The following MTFR1 variants were observed in gnomAD, a reference collection of about 807,000 sequenced individuals.
The protein encoded by MTFR1 is chondrocyte protein with a poly-proline region.
Under a neutral mutation model 38.8 loss-of-function variants are expected in MTFR1, and 28 were observed. That is an observed-to-expected ratio of 0.72 (90% CI 0.53 to 0.99). The LOEUF (loss-of-function observed/expected upper bound fraction) is 0.99, where lower values mean the gene tolerates loss of function less well. Among genes scored for constraint, MTFR1 ranks in the 50% least tolerant of loss-of-function variants. The pLI is 0.00. For missense variants in MTFR1, 358 were observed against 395.5 expected (o/e 0.91, Z 0.81); for synonymous variants, 145 against 137.0 (o/e 1.06, Z -0.41).
chr8:65,682,298 C>G (rs1804918131), intron 2 of MTFR1, 55 bp from the exon 3 acceptor site: 10 of 857,070 alleles, frequency 1.2e-5, no homozygotes, highest in Non-Finnish European at 1.8e-5. Flanking sequence ...AATGCTTTGT[C>G]TTAACAGTTC....
chr8:65,754,191 T>C (rs533161128), intron 3 of MTFR1, among the ~76,000 whole-genome samples: 24 of 152,226 alleles, frequency 1.6e-4, no homozygotes, highest in African/African-American at 5.5e-4. Flanking sequence ...AGTCTTTCCA[T>C]GTTTTTCTGC....
chr8:65,707,383 A>C lies in MTFR1; in HGVS notation c.764+127A>C, dbSNP rs989969910. 6 of 966,840 alleles carry C rather than the reference A, an allele frequency of 6.2e-6. No individual in the cohort carries two copies. The Admixed American group carries it at 1.1e-4, about 18-fold the overall frequency. 59.9% of individuals were successfully genotyped at this position (966,840 alleles called of 1,614,324 possible). On this transcript the variant is annotated intron_variant, in intron 6 of 7. Coordinates refer to ENST00000262146, the MANE Select transcript of MTFR1 (RefSeq NM_014637.4). ...TAGTTTTTAGTTTAAAAAAAAGATG[A>C]GCCCCAGTGGCTTCTATACACAGTA...
At chr8:65,758,562 T>A (rs952313500) in intron 3 of MTFR1, among the ~76,000 whole-genome samples, 32 of 152,330 alleles carry the variant, frequency 2.1e-4, no homozygotes, top group African/African-American at 7.5e-4. Flanking sequence ...ATGCTGAATG[T>A]GAGCACACAC....
intron 3 of MTFR1, among the ~76,000 whole-genome samples, chr8:65,746,249 A>T (rs890073523): frequency 6.6e-6 from 1 of 151,992 alleles, no homozygotes; most frequent in African/African-American, 2.4e-5. Flanking sequence ...ATTGTTTTCA[A>T]TTCTCATTTT....
At chr8:65,755,988 T>C (rs773471122) in intron 3 of MTFR1, among the ~76,000 whole-genome samples, 3 of 152,244 alleles carry the variant, frequency 2.0e-5, no homozygotes, top group African/African-American at 7.2e-5. Context: ...TCTGGAAATA[T>C]GTTAAACTCC....
intron 5 of MTFR1, 106 bp downstream of exon 5, chr8:65,705,035 C>A (rs1805740208): frequency 1.7e-5 from 17 of 1,008,174 alleles, no homozygotes; most frequent in Middle Eastern, 5.6e-4. Flanking sequence ...TCTTAGAAAA[C>A]CAGGTGTCAT....
chr8:65,715,989 T>G (rs1459703427), intron 2 of MTFR1, among the ~76,000 whole-genome samples: 3 of 93,210 alleles, frequency 3.2e-5, no homozygotes, highest in African/African-American at 1.2e-4. Context: ...AGAGCAAGGC[T>G]CTGTCTCAAA....
In MTFR1 at chr8:65,704,882, A is replaced by G. The variant is rs909142191; in HGVS notation, c.470A>G (p.Gln157Arg). 28 of 1,610,046 alleles carry G rather than the reference A, an allele frequency of 1.7e-5. No homozygotes were observed. The East Asian group carries it at 5.8e-4, about 33-fold the overall frequency. Residue 157 changes from glutamine (Q) to arginine (R), a missense_variant, in exon 5 of 8, where the codon CAG (glutamine) becomes CGG (arginine). By Grantham distance (43) the Gln-to-Arg change is conservative. Transcript: ENST00000262146. ...AATGAACTTGCTGCTCTCAGAGCTCAGATTGCCAAAATTGTGACCCAGCAG... is the reference window on the plus strand; with the variant it reads ...AATGAACTTGCTGCTCTCAGAGCTCGGATTGCCAAAATTGTGACCCAGCAG... ...LENELAALRAQIAKIVTQQEQ... is the reference protein window; with the variant it reads ...LENELAALRARIAKIVTQQEQ...
chr8:65,731,656 T>C (rs1394169516), intron 3 of MTFR1: 1 of 152,116 alleles, frequency 6.6e-6, no homozygotes, highest in African/African-American at 2.4e-5. Context: ...AAATAAATAC[T>C]CAAGTTAGTG....
chr8:65,708,124 G>A (rs13274205), intron 7 of MTFR1, 113 bp downstream of exon 7: 790,305 of 1,595,776 alleles, frequency 0.5, 208,051 homozygotes, highest in Non-Finnish European at 0.55. Context: ...AAAGGGAGGT[G>A]ATACAGGATT....
downstream of MTFR1, among the ~76,000 whole-genome samples, chr8:65,712,737 C>G (rs1397565960): frequency 6.6e-6 from 1 of 152,194 alleles, no homozygotes; most frequent in East Asian, 1.9e-4. Context: ...TCTCAGATTT[C>G]TAGCCTCAAG....
At chr8:65,745,598 T>C (rs1585861159) in intron 3 of MTFR1, 1 of 604,610 alleles carries the variant, frequency 1.7e-6, no homozygotes, top group Middle Eastern at 4.3e-4. Context: ...AAGTATCATT[T>C]TTCTTTTAAT....
chr8:65,686,693 C>T (rs914012646), intron 3 of MTFR1, among the ~76,000 whole-genome samples: 13 of 151,324 alleles, frequency 8.6e-5, no homozygotes, highest in Non-Finnish European at 1.8e-4. Context: ...GAGGCTGAGG[C>T]GGGCGGATCA....
intron 1 of MTFR1, among the ~76,000 whole-genome samples, chr8:65,646,192 T>G (rs1808961272): frequency 6.6e-6 from 1 of 152,214 alleles, no homozygotes; most frequent in Non-Finnish European, 1.5e-5. Flanking sequence ...ACTCATTTAA[T>G]TTTTGCAATA....
At chr8:65,651,046 T>C (rs901446612) in intron 1 of MTFR1, among the ~76,000 whole-genome samples, 3 of 152,216 alleles carry the variant, frequency 2.0e-5, no homozygotes, top group Admixed American at 6.5e-5. Context: ...ATTTCTCTGA[T>C]GATTGGAGCA....
chr8:65,685,474 G>A (rs1805043813), intron 3 of MTFR1, among the ~76,000 whole-genome samples: 1 of 152,288 alleles, frequency 6.6e-6, no homozygotes, highest in East Asian at 1.9e-4. Flanking sequence ...CCTAACCCAA[G>A]CTATTTTCTT....
At chr8:65,743,443 G>A (rs544144692) in intron 3 of MTFR1, among the ~76,000 whole-genome samples, 32 of 152,256 alleles carry the variant, frequency 2.1e-4, no homozygotes, top group African/African-American at 7.5e-4. Flanking sequence ...CGAAGGGGAG[G>A]AATAAAAAGG....
intron 2 of MTFR1, among the ~76,000 whole-genome samples, chr8:65,672,337 G>A (rs1017634973): frequency 6.6e-6 from 1 of 152,056 alleles, no homozygotes; most frequent in African/African-American, 2.4e-5. Flanking sequence ...AAATACAAAG[G>A]AATCTTTCAA....
At chr8:65,655,964 A>G (rs1017491437) in intron 1 of MTFR1, among the ~76,000 whole-genome samples, 2 of 30,630 alleles carry the variant, frequency 6.5e-5, no homozygotes, top group Non-Finnish European at 1.2e-4. Flanking sequence ...ATATATATAT[A>G]TATACCATAT....
Sources: allele counts gnomAD v4.1 joint callset (sites outside exome capture counted in the v4.1 genomes callset), GRCh38; gene constraint gnomAD v4.1.1; transcripts MANE v1.5; gene names NCBI Gene and HGNC (gene_info 2026-07-23, HGNC 2026-07-21).